LMX1A: variants seen among roughly 807,000 people sequenced by gnomAD.
LMX1A encodes the protein LIM homeobox transcription factor 1 alpha.
In LMX1A, 15 loss-of-function variants were observed where a neutral mutation model predicts 49.1. That is an observed-to-expected ratio of 0.31 (90% CI 0.20 to 0.47). The LOEUF (loss-of-function observed/expected upper bound fraction) is 0.47. Ranked by LOEUF, LMX1A falls within the 20% of genes least tolerant of loss-of-function variation. The pLI is 1.00. For synonymous variants in LMX1A, 167 were observed against 185.7 expected (o/e 0.90, Z 0.82); for missense variants, 372 against 475.8 (o/e 0.78, Z 2.03).
chr1:165,349,750 T>C (rs1467575503), intron 3 of LMX1A, among the ~76,000 whole-genome samples: 2 of 152,242 alleles, frequency 1.3e-5, no homozygotes, highest in Non-Finnish European at 2.9e-5. Flanking sequence ...AATTCTATTT[T>C]TTTAATTAGA....
In LMX1A at chr1:165,303,610, A is replaced by AAGT. The variant is rs1384341388; in HGVS notation, c.263+49465_263+49466insACT. 6.6e-5 allele frequency among the ~76,000 whole-genome samples: 10 copies of AAGT among 152,330 alleles called. 1 individual carries two copies. In the South Asian group the frequency reaches 1.9e-3, roughly 28 times the overall value. ...AGCCCAATGACTTGTTCCTCCAGAC[A>AAGT]TCGCCTACGCCTGCAGTCAGTTATC... On this transcript the variant is annotated intron_variant, in intron 3 of 8. Transcript: ENST00000342310.
intron 4 of LMX1A, among the ~76,000 whole-genome samples, chr1:165,238,982 A>C (rs1047784841): frequency 1.3e-5 from 2 of 152,238 alleles, no homozygotes; most frequent in Admixed American, 1.3e-4. Flanking sequence ...TGTGCAGAAT[A>C]ATTCATGTAA....
chr1:165,254,775 G>A (rs1005193448), intron 3 of LMX1A, among the ~76,000 whole-genome samples: 2 of 152,172 alleles, frequency 1.3e-5, no homozygotes, highest in Admixed American at 6.5e-5. Flanking sequence ...ATCGCTGAGG[G>A]TTCAGAGCCT....
chr1:165,345,504 C>T (rs139622923), intron 3 of LMX1A, among the ~76,000 whole-genome samples: 1 of 152,250 alleles, frequency 6.6e-6, no homozygotes, highest in East Asian at 1.9e-4. Flanking sequence ...CAGACTCAGG[C>T]ACTTGGCACT....
At chr1:165,228,054 A>G (rs1048449770) in intron 4 of LMX1A, among the ~76,000 whole-genome samples, 4 of 152,228 alleles carry the variant, frequency 2.6e-5, no homozygotes, top group Non-Finnish European at 5.9e-5. Flanking sequence ...CTCTTGTGGA[A>G]CTTGCCTTTA....
intron 3 of LMX1A, among the ~76,000 whole-genome samples, chr1:165,335,174 T>C (rs1306389150): frequency 6.6e-6 from 1 of 152,204 alleles, no homozygotes; most frequent in Non-Finnish European, 1.5e-5. Context: ...CTTCCTCTCT[T>C]TTAAGCTTTC....
At chr1:165,266,175 T>C (rs904862889) in intron 3 of LMX1A, among the ~76,000 whole-genome samples, 5 of 152,050 alleles carry the variant, frequency 3.3e-5, no homozygotes, top group Non-Finnish European at 5.9e-5. Context: ...ATGAGTGCAA[T>C]GGATGAAAAT....
intron 3 of LMX1A, among the ~76,000 whole-genome samples, chr1:165,345,278 T>G (rs1571234972): frequency 6.6e-6 from 1 of 151,454 alleles, no homozygotes; most frequent in Non-Finnish European, 1.5e-5. Flanking sequence ...ACTGAAGGGG[T>G]GGGATGGAAT....
At chr1:165,235,330 G>C (rs913191413) in intron 4 of LMX1A, among the ~76,000 whole-genome samples, 6 of 152,162 alleles carry the variant, frequency 3.9e-5, no homozygotes, top group Admixed American at 1.3e-4. Flanking sequence ...GAGCGAAAGA[G>C]GGAAGGCAAT....
At chr1:165,225,292 A>G (rs927293950) in intron 4 of LMX1A, among the ~76,000 whole-genome samples, 6 of 152,240 alleles carry the variant, frequency 3.9e-5, no homozygotes, top group African/African-American at 1.2e-4. Flanking sequence ...AGATTAAGTG[A>G]GGAAAGTATA....
In LMX1A at chr1:165,355,606, T is replaced by C. The variant is rs185761297; in HGVS notation, c.-22-25A>G. 2.6e-4 allele frequency: 417 copies of C among 1,578,340 alleles called. 2 individuals are homozygous for C. The East Asian group carries it at 7.7e-3, about 29-fold the overall frequency. On this transcript the variant is annotated intron_variant, in intron 1 of 8. Coordinates refer to ENST00000342310, the MANE Select transcript of LMX1A (RefSeq NM_177398.4). This position sits in a 1 kb window ranked among gnomAD's most constrained non-coding sequence, Gnocchi z 4.7. ...CCTGTAGAGGAGAAGAAACGATGCG[T>C]CTGACGTCCGTGCCCGCTGGGACTC...
At chr1:165,267,635 A>G (rs1213253770) in intron 3 of LMX1A, among the ~76,000 whole-genome samples, 1 of 152,234 alleles carries the variant, frequency 6.6e-6, no homozygotes, top group Non-Finnish European at 1.5e-5. Flanking sequence ...TGAGAAGGCT[A>G]TTGAAATACC....
rs1334317089 is a variant in LMX1A, at chr1:165,202,252, T to A, written c.*1628A>T. On this transcript the variant is annotated 3_prime_UTR_variant, in exon 9 of 9. Transcript: ENST00000342310. ...GTGACCCGCTGTCTTCCCCACCAAC[T>A]CATTCTGGGTTCCCAGGAGACTTCC... The A allele has an allele frequency of 6.6e-6, 1 of 152,622 alleles. No individual in the cohort carries two copies. The highest frequency in any genetic ancestry group is 2.1e-4 in the South Asian group (1 of 4,798). The allele number at this position is 152,622 out of a possible 1,614,324, so 9.5% of individuals were successfully genotyped here.
chr1:165,330,317 T>G (rs894541657), intron 3 of LMX1A, among the ~76,000 whole-genome samples: 2 of 152,090 alleles, frequency 1.3e-5, no homozygotes, highest in East Asian at 3.9e-4. Context: ...CTACAAAAAA[T>G]TTCAAAGTTA....
chr1:165,300,041 CTCTT>C (rs1189004394), intron 3 of LMX1A, among the ~76,000 whole-genome samples: 1 of 152,076 alleles, frequency 6.6e-6, no homozygotes, highest in Admixed American at 6.6e-5. Flanking sequence ...GATCAGGAGA[CTCTT>C]TCTCAGACCC....
At chr1:165,302,915 G>T (rs893721398) in intron 3 of LMX1A, among the ~76,000 whole-genome samples, 1 of 152,294 alleles carries the variant, frequency 6.6e-6, no homozygotes, top group Non-Finnish European at 1.5e-5. Flanking sequence ...GGTTTCATGT[G>T]CTTAACTGAA....
chr1:165,307,073 C>T (rs916748928), intron 3 of LMX1A, among the ~76,000 whole-genome samples: 1 of 152,250 alleles, frequency 6.6e-6, no homozygotes, highest in Admixed American at 6.5e-5. Flanking sequence ...TCAGGCAGTG[C>T]AGGCAAAGCA....
chr1:165,212,398 C>G (rs1651443328), intron 5 of LMX1A, among the ~76,000 whole-genome samples: 1 of 152,170 alleles, frequency 6.6e-6, no homozygotes, highest in Non-Finnish European at 1.5e-5. Context: ...TCAGCCTGGA[C>G]CCTCGAATGA....
At chr1:165,299,696 C>A (rs959527730) in intron 3 of LMX1A, among the ~76,000 whole-genome samples, 2 of 148,566 alleles carry the variant, frequency 1.3e-5, no homozygotes, top group African/African-American at 5.0e-5. Context: ...AATTCAGTTT[C>A]GGGATGTTAA....
Sources: allele counts gnomAD v4.1 joint callset (sites outside exome capture counted in the v4.1 genomes callset), GRCh38; gene constraint gnomAD v4.1.1; non-coding constraint Gnocchi (gnomAD v3.1); transcripts MANE v1.5; gene names NCBI Gene and HGNC (gene_info 2026-07-23, HGNC 2026-07-21).